The following CDK14 variants were observed in gnomAD, a reference collection of about 807,000 sequenced individuals.
The protein encoded by CDK14 is cyclin-dependent kinase 14.
A neutral mutation model predicts 60.7 loss-of-function variants in CDK14; 34 were observed. That is an observed-to-expected ratio of 0.56 (90% CI 0.43 to 0.75). CDK14 has a LOEUF of 0.75. Among genes scored for constraint, CDK14 ranks in the 30% least tolerant of loss-of-function variants. The pLI is 0.00. For synonymous variants in CDK14, 197 were observed against 203.7 expected, an observed-to-expected ratio of 0.97 and a Z score of 0.28; for missense variants, 482 against 564.1, an observed-to-expected ratio of 0.85 and a Z score of 1.47.
intron 10 of CDK14, 137 bp from the exon 11 acceptor site, chr7:91,045,760 A>G: frequency 1.7e-6 from 1 of 584,258 alleles, no homozygotes; most frequent in Non-Finnish European, 3.1e-6. Context: ...TTACTGAAAT[A>G]AAATCTCTGG....
chr7:91,125,876 TATC>T (rs1191567093), intron 14 of CDK14, among the ~76,000 whole-genome samples: 1 of 152,198 alleles, frequency 6.6e-6, no homozygotes, highest in Non-Finnish European at 1.5e-5. Flanking sequence ...TGCTCTGGAT[TATC>T]ATTTTCAATG....
At chr7:90,864,719 C>T (rs1043906741) in intron 6 of CDK14, among the ~76,000 whole-genome samples, 2 of 152,072 alleles carry the variant, frequency 1.3e-5, no homozygotes, top group Non-Finnish European at 1.5e-5. Flanking sequence ...TGTCATTTGA[C>T]GATTTTGTAT....
At chr7:90,616,939 C>T (rs911351452) in intron 2 of CDK14, among the ~76,000 whole-genome samples, 2 of 147,908 alleles carry the variant, frequency 1.4e-5, no homozygotes, top group Non-Finnish European at 3.0e-5. Flanking sequence ...ATTTTTTTTT[C>T]AGGCAAGATA....
At chr7:91,117,256 G>C (rs1243283599) in intron 13 of CDK14, among the ~76,000 whole-genome samples, 1 of 151,026 alleles carries the variant, frequency 6.6e-6, no homozygotes, top group Admixed American at 6.6e-5. Flanking sequence ...TTCTTCCACA[G>C]ACCGTATTGT....
intron 13 of CDK14, 45 bp downstream of exon 13, chr7:91,112,726 A>G (rs1209630903): frequency 1.9e-6 from 3 of 1,602,582 alleles, no homozygotes; most frequent in Non-Finnish European, 2.6e-6. Context: ...CAGACACATC[A>G]TTTTATTTTG....
intron 10 of CDK14, among the ~76,000 whole-genome samples, chr7:90,994,895 G>A (rs1238412441): frequency 1.3e-5 from 2 of 152,112 alleles, no homozygotes; most frequent in African/African-American, 4.8e-5. Context: ...TCTCCATAAA[G>A]CGTGTTTTCA....
At chr7:91,011,791 TA>T (rs1336663805) in intron 10 of CDK14, among the ~76,000 whole-genome samples, 1 of 152,122 alleles carries the variant, frequency 6.6e-6, no homozygotes, top group Non-Finnish European at 1.5e-5. Flanking sequence ...TAAAAGTTTT[TA>T]AAAAATCTCT....
chr7:90,851,455 G>C (rs1407813096), intron 5 of CDK14, among the ~76,000 whole-genome samples: 1 of 152,222 alleles, frequency 6.6e-6, no homozygotes, highest in Admixed American at 6.5e-5. Flanking sequence ...GAAGATGATG[G>C]TAATGCTAAT....
At chr7:90,621,790 TC>T (rs1203082398) in intron 2 of CDK14, among the ~76,000 whole-genome samples, 2 of 152,162 alleles carry the variant, frequency 1.3e-5, no homozygotes, top group East Asian at 3.8e-4. Context: ...TATTTAATTT[TC>T]CCAGTAATGT....
At chr7:91,181,966 T>C (rs1436160185) in intron 14 of CDK14, among the ~76,000 whole-genome samples, 1 of 152,188 alleles carries the variant, frequency 6.6e-6, no homozygotes, top group Non-Finnish European at 1.5e-5. Context: ...TTCCTATACC[T>C]TTTTAATAGA....
Position 91,139,172 on chromosome 7 carries a change from T to C in CDK14, c.*28+20964T>C, listed in dbSNP as rs144610652. Among the ~76,000 whole-genome samples, 730 of 152,310 alleles carry C rather than the reference T, an allele frequency of 4.8e-3. 3 individuals are homozygous for C. Among genetic ancestry groups the C allele is most frequent in the Middle Eastern group, 0.017 (5 of 294 alleles). On this transcript the variant is annotated intron_variant, in intron 14 of 14. Coordinates refer to ENST00000380050, the MANE Select transcript of CDK14 (RefSeq NM_001287135.2). ...AATGCAGACGGGAGCAAGTATTTCTTAATCTATAGAATTATTTTAAGTATT... is the reference window on the plus strand; with the variant it reads ...AATGCAGACGGGAGCAAGTATTTCTCAATCTATAGAATTATTTTAAGTATT...
At chr7:90,747,344 G>T (rs1415353850) in intron 3 of CDK14, among the ~76,000 whole-genome samples, 4 of 152,066 alleles carry the variant, frequency 2.6e-5, no homozygotes, top group African/African-American at 9.7e-5. Context: ...AAAAAAGGGA[G>T]GGGCAGGTTT....
At chr7:90,709,498 A>G in intron 2 of CDK14, 8 of 1,608,158 alleles carry the variant, frequency 5.0e-6, no homozygotes, top group Non-Finnish European at 6.8e-6. Flanking sequence ...GCAAATCAAT[A>G]TCTTTCTGAA....
intron 10 of CDK14, among the ~76,000 whole-genome samples, chr7:90,994,144 G>A (rs1795614138): frequency 6.6e-6 from 1 of 152,112 alleles, no homozygotes; most frequent in South Asian, 2.1e-4. Context: ...TCAGGGTCAG[G>A]AATTCAGTAG....
chr7:90,824,785 A>G (rs1789665919), intron 5 of CDK14: 1 of 152,228 alleles, frequency 6.6e-6, no homozygotes, highest in Non-Finnish European at 1.5e-5. Flanking sequence ...ATTTTTGTTA[A>G]TAGTTCAAGT....
At chr7:91,123,296 G>A (rs2116397484) in intron 14 of CDK14, among the ~76,000 whole-genome samples, 1 of 152,186 alleles carries the variant, frequency 6.6e-6, no homozygotes, top group East Asian at 1.9e-4. Context: ...TGCAAAAACT[G>A]CCATTTTCTG....
intron 2 of CDK14, among the ~76,000 whole-genome samples, chr7:90,626,878 GC>G (rs1799886281): frequency 6.6e-6 from 1 of 150,922 alleles, no homozygotes; most frequent in African/African-American, 2.4e-5. Flanking sequence ...GTTTGAGGCT[GC>G]AGTGAGCTCT....
At chr7:90,602,695 CAT>C (rs754471178) in intron 1 of CDK14, among the ~76,000 whole-genome samples, 17 of 152,256 alleles carry the variant, frequency 1.1e-4, no homozygotes, top group South Asian at 2.1e-4. Flanking sequence ...ATAATTAAAA[CAT>C]GTGCAAGTAA....
intron 2 of CDK14, among the ~76,000 whole-genome samples, chr7:90,696,329 T>A (rs894391608): frequency 1.8e-5 from 1 of 55,520 alleles, no homozygotes; most frequent in Non-Finnish European, 3.5e-5. Flanking sequence ...GTTTTGTACT[T>A]CTTCTTCTTT....
Sources: allele counts gnomAD v4.1 joint callset (sites outside exome capture counted in the v4.1 genomes callset), GRCh38; gene constraint gnomAD v4.1.1; transcripts MANE v1.5; gene names NCBI Gene and HGNC (gene_info 2026-07-23, HGNC 2026-07-21).